The following MAN1A2 variants were observed in gnomAD, a reference collection of about 807,000 sequenced individuals.
The protein encoded by MAN1A2 is mannosyl-oligosaccharide 1,2-alpha-mannosidase IB.
Under a neutral mutation model 75.7 loss-of-function variants are expected in MAN1A2, and 26 were observed. The ratio of observed to expected loss-of-function variants is 0.34; its 90% CI spans 0.25 to 0.48. MAN1A2 has a LOEUF of 0.48. Ranked by LOEUF, MAN1A2 falls within the 20% of genes least tolerant of loss-of-function variation. MAN1A2 has a pLI of 0.99. For missense variants in MAN1A2, 562 were observed against 775.5 expected (o/e 0.72, Z 3.27); for synonymous variants, 247 against 264.6 (o/e 0.93, Z 0.65).
chr1:117,478,381 C>T (rs1650386661), intron 8 of MAN1A2, among the ~76,000 whole-genome samples: 3 of 151,866 alleles, frequency 2.0e-5, no homozygotes, highest in African/African-American at 7.2e-5. Context: ...TCTTTTAATT[C>T]TCTTAATAGT....
chr1:117,491,891 C>T (rs1231371344), intron 8 of MAN1A2, among the ~76,000 whole-genome samples: 6 of 151,962 alleles, frequency 3.9e-5, no homozygotes. Context: ...AGCAAGAGAA[C>T]CAGAATTAGA....
At chr1:117,387,232 A>AC (rs977735902) in intron 1 of MAN1A2, among the ~76,000 whole-genome samples, 2 of 151,820 alleles carry the variant, frequency 1.3e-5, no homozygotes, top group African/African-American at 4.8e-5. Context: ...AAAAAAAAAA[A>AC]AAACAAAGTA....
intron 8 of MAN1A2, among the ~76,000 whole-genome samples, chr1:117,487,140 A>C (rs1214768822): frequency 6.6e-6 from 1 of 152,096 alleles, no homozygotes; most frequent in Non-Finnish European, 1.5e-5. Flanking sequence ...AAATTAAGTG[A>C]GAGAGCATAG....
intron 9 of MAN1A2, chr1:117,493,549 G>A: frequency 4.8e-6 from 1 of 209,814 alleles, no homozygotes; most frequent in East Asian, 1.4e-4. Context: ...GGGAGGCTGT[G>A]GTAGGCAGAT....
At chr1:117,514,064 T>A (rs1486774789) in intron 12 of MAN1A2, among the ~76,000 whole-genome samples, 2 of 152,160 alleles carry the variant, frequency 1.3e-5, no homozygotes, top group East Asian at 3.9e-4. Flanking sequence ...AACATTTCTA[T>A]GTTTGGAAGT....
At position 117,416,772 on chromosome 1, in the gene MAN1A2, A is replaced by G. The variant is rs529214375; in HGVS notation, c.774+1941A>G. 8.5e-5 allele frequency among the ~76,000 whole-genome samples: 13 copies of G among 152,280 alleles called. No homozygotes were observed. The South Asian group carries it at 2.3e-3, about 27-fold the overall frequency. ...ATTAAAATGCAGTAGCTTGGGCTCT[A>G]TGGAACTGGTACCTGTGCTGCCCAG... On this transcript the variant is annotated intron_variant, in intron 4 of 12. Transcript: ENST00000356554.
In MAN1A2 at chr1:117,526,724, T is replaced by C. The variant is rs1652029371; in HGVS notation, c.*3767T>C. 1 of 151,026 alleles carries C rather than the reference T, an allele frequency of 6.6e-6. No homozygotes were observed. The highest frequency in any genetic ancestry group is 1.5e-5 in the Non-Finnish European group (1 of 67,536). The allele number at this position is 151,026 out of a possible 1,614,324, so 9.4% of individuals were successfully genotyped here. Reference sequence around the variant, plus strand: ...CTATTAATAGTCCCATGCTGTTAAATATAAAGAAAAATATACTAAAATATT... The same window carrying C: ...CTATTAATAGTCCCATGCTGTTAAACATAAAGAAAAATATACTAAAATATT... On this transcript the variant is annotated 3_prime_UTR_variant, in exon 13 of 13. Transcript: ENST00000356554.
At chr1:117,389,260 A>G (rs1344062863) in intron 1 of MAN1A2, among the ~76,000 whole-genome samples, 10 of 152,148 alleles carry the variant, frequency 6.6e-5, no homozygotes, top group Admixed American at 4.6e-4. Context: ...GCAGTCCCCA[A>G]TCTTTTTGGG....
chr1:117,518,351 A>G (rs1651777290), intron 12 of MAN1A2, among the ~76,000 whole-genome samples: 1 of 152,062 alleles, frequency 6.6e-6, no homozygotes, highest in Non-Finnish European at 1.5e-5. Flanking sequence ...TTATAAGTAC[A>G]TATTTACTAA....
chr1:117,420,447 A>G, intron 4 of MAN1A2, 122 bp from the exon 5 acceptor site: 1 of 689,096 alleles, frequency 1.5e-6, no homozygotes, highest in East Asian at 2.7e-5. Context: ...AGAAATGAAG[A>G]TGCAGAAAGT....
intron 3 of MAN1A2, among the ~76,000 whole-genome samples, chr1:117,409,280 T>G (rs1211533631): frequency 6.6e-6 from 1 of 152,116 alleles, no homozygotes. Flanking sequence ...AACTACTGCT[T>G]TTGCTGCATC....
chr1:117,496,963 T>G lies in MAN1A2; in HGVS notation c.1485T>G (p.His495Gln), dbSNP rs755669482. ...GGGCAGAAATTGCACGTACTTGTCA[T>G]GAGTCATATGACAGAACTGGTAAGA... is the stretch of plus-strand genomic sequence containing the variant. The part of the protein sequence containing the change: ...ELGAEIARTC[H>Q]ESYDRTALKL... Residue 495 changes from histidine to glutamine, a missense_variant, in exon 10 of 13, where the codon CAT (histidine) becomes CAG (glutamine). Transcript: ENST00000356554. The G allele has an allele frequency of 2.5e-6, 4 of 1,611,662 alleles. No individual in the cohort carries two copies. Among genetic ancestry groups the G allele is most frequent in the Non-Finnish European group, 3.4e-6 (4 of 1,178,562 alleles).
chr1:117,474,920 T>C (rs2101851945), intron 8 of MAN1A2, among the ~76,000 whole-genome samples: 1 of 152,130 alleles, frequency 6.6e-6, no homozygotes, highest in Middle Eastern at 3.4e-3. Flanking sequence ...GGTTGCCTTT[T>C]CTAGAATCTT....
At chr1:117,429,784 C>T (rs1190318625) in intron 5 of MAN1A2, among the ~76,000 whole-genome samples, 6 of 95,694 alleles carry the variant, frequency 6.3e-5, no homozygotes, top group Admixed American at 9.4e-5. Flanking sequence ...CCCTCCCGGA[C>T]GGGGCGGCTG....
chr1:117,403,018 T>G (rs767270988), intron 2 of MAN1A2, among the ~76,000 whole-genome samples: 2 of 152,172 alleles, frequency 1.3e-5, no homozygotes, highest in Non-Finnish European at 2.9e-5. Flanking sequence ...TGTAGTTACT[T>G]AAAAGTAAAG....
intron 12 of MAN1A2, among the ~76,000 whole-genome samples, chr1:117,520,935 C>T (rs1651851066): frequency 6.6e-6 from 1 of 151,948 alleles, no homozygotes; most frequent in African/African-American, 2.4e-5. Context: ...AGGCCATAGT[C>T]ACCAAAACAG....
intron 8 of MAN1A2, among the ~76,000 whole-genome samples, chr1:117,471,388 G>A (rs938505408): frequency 6.6e-6 from 1 of 151,826 alleles, no homozygotes. Flanking sequence ...TCAAGAAATA[G>A]CTTCTGTTAG....
chr1:117,465,737 T>C (rs755043448), intron 7 of MAN1A2, among the ~76,000 whole-genome samples: 7 of 152,122 alleles, frequency 4.6e-5, no homozygotes, highest in Non-Finnish European at 8.8e-5. Flanking sequence ...AATAAATCCC[T>C]AGGAAAGTCT....
At position 117,523,068 on chromosome 1, in the gene MAN1A2, A is replaced by G; in HGVS notation, c.*111A>G. On this transcript the variant is annotated 3_prime_UTR_variant, in exon 13 of 13. Transcript: ENST00000356554. ...ACCTGGACCTCTATGTCAACATGACAGGGTGAAACTATTCCCCCTAAGACT... is the reference window on the plus strand; with the variant it reads ...ACCTGGACCTCTATGTCAACATGACGGGGTGAAACTATTCCCCCTAAGACT... 2 of 1,142,402 alleles carry G rather than the reference A, an allele frequency of 1.8e-6. No individual in the cohort carries two copies. Among genetic ancestry groups the G allele is most frequent in the Non-Finnish European group, 2.6e-6 (2 of 768,298 alleles). The allele number at this position is 1,142,402 out of a possible 1,614,324, so 70.8% of individuals were successfully genotyped here.
Sources: allele counts gnomAD v4.1 joint callset (sites outside exome capture counted in the v4.1 genomes callset), GRCh38; gene constraint gnomAD v4.1.1; transcripts MANE v1.5; gene names NCBI Gene and HGNC (gene_info 2026-07-23, HGNC 2026-07-21).